CSF3R: variants seen among roughly 807,000 people sequenced by gnomAD.
CSF3R encodes the protein granulocyte colony-stimulating factor receptor.
In CSF3R, 52 loss-of-function variants were observed where a neutral mutation model predicts 84.4. The observed-to-expected ratio is 0.62, with a 90% CI of 0.49 to 0.78. The LOEUF (loss-of-function observed/expected upper bound fraction) is 0.78, where lower values mean the gene tolerates loss of function less well. CSF3R is among the 30% of genes least tolerant of loss of function. The pLI, the probability that CSF3R is intolerant of heterozygous loss-of-function variation, is 0.00. For synonymous variants in CSF3R, 384 were observed against 429.1 expected (o/e 0.89, Z 1.30); for missense variants, 890 against 1,055.7 (o/e 0.84, Z 2.17).
rs780388251 is a variant in CSF3R at position 36,472,466 on chromosome 1, C to G, written c.843+51G>C. On this transcript the variant is annotated intron_variant, in intron 7 of 16. Coordinates refer to ENST00000373106, the MANE Select transcript of CSF3R (RefSeq NM_000760.4). The surrounding 1 kb of genome is among the most constrained non-coding windows in gnomAD (Gnocchi z 5.0). ...AGGGCCAGCTCGAGCCCGACTTACC[C>G]TGCCCCCTGCCCCCACCACCTCAGG... The G allele has an allele frequency of 6.2e-7, 1 of 1,613,926 alleles. No individual in the cohort carries two copies. The highest frequency in any genetic ancestry group is 1.1e-5 in the South Asian group (1 of 91,030).
chr1:36,469,969 C>T, intron 10 of CSF3R, 129 bp from the exon 11 acceptor site: 2 of 884,572 alleles, frequency 2.3e-6, no homozygotes, highest in Non-Finnish European at 3.6e-6. Context: ...AACATCTTAG[C>T]CTCAGTTTCC....
rs1179392257 is a variant in CSF3R at position 36,475,007 on chromosome 1, T to TC, written c.361+369_361+370insG. Among the ~76,000 whole-genome samples, 8 of 152,056 alleles carry TC rather than the reference T, an allele frequency of 5.3e-5. No individual in the cohort carries two copies. In the South Asian group the frequency reaches 8.3e-4, roughly 16 times the overall value. On this transcript the variant is annotated intron_variant, in intron 4 of 16. Transcript: ENST00000373106. ...TCAATAGGTAGTACTCTTTTTTTTT[T>TC]TTCTTCTTTTTTTTGAGACCAAGTT...
At position 36,471,534 on chromosome 1, in the gene CSF3R, C is replaced by T; in HGVS notation, c.1184G>A (p.Cys395Tyr). The T allele has an allele frequency of 6.2e-7, 1 of 1,614,244 alleles. No individual in the cohort carries two copies. The highest frequency in any genetic ancestry group is 8.5e-7 in the Non-Finnish European group (1 of 1,180,040). The change falls in exon 10 of 17, where the codon TGC becomes TAC. Residue 395 changes from cysteine to tyrosine, a missense_variant. Cys to Tyr is a radical substitution (Grantham distance 194). Transcript: ENST00000373106. ...LPLCNTTELSCTFHLPSEAQE... is the reference protein window; with the variant it reads ...LPLCNTTELSYTFHLPSEAQE... The stretch of plus-strand genomic sequence containing the variant: ...GGCTTCTGAAGGCAGGTGGAAGGTG[C>T]AGCTGAGCTCTGTGGTGTTGCAGAG...
At chr1:36,471,677 G>T in intron 9 of CSF3R, 31 bp from the exon 10 acceptor site, 1 of 1,607,128 alleles carries the variant, frequency 6.2e-7, no homozygotes, top group Non-Finnish European at 8.5e-7. Context: ...AAGAGAAGGG[G>T]ATGTGCAGCT....
At position 36,468,215 on chromosome 1, in the gene CSF3R, G is replaced by C; in HGVS notation, c.1583C>G (p.Ser528Cys). ...CTTTAGATGCAGCTCTGGGGCATGG[G>C]AGGGAGCTATGGGAAGAGAGAGGTG... ...VYAYSQEMAP[S>C]HAPELHLKHI... Residue 528 changes from serine (S) to cysteine (C), a missense_variant, in exon 13 of 17, where the codon TCC becomes TGC. Transcript: ENST00000373106. 6.3e-7 allele frequency: 1 copy of C among 1,587,776 alleles called. No individual in the cohort carries two copies. The highest frequency in any genetic ancestry group is 8.6e-7 in the Non-Finnish European group (1 of 1,166,246).
rs1430123830 is a variant in CSF3R at position 36,466,694 on chromosome 1, T to C, written c.2174A>G (p.Gln725Arg). Residue 725 changes from glutamine to arginine, a missense_variant, in exon 17 of 17, where the codon CAG becomes CGG. Physicochemically the swap from Gln to Arg is conservative, Grantham distance 43 (BLOSUM62 1). Transcript: ENST00000373106. This position sits in a 1 kb window ranked among gnomAD's most constrained non-coding sequence, Gnocchi z 4.6. ...SETCGLPTLVQTYVLQGDPRA... is the reference protein window; with the variant it reads ...SETCGLPTLVRTYVLQGDPRA... ...TGGGTCCCCCTGGAGCACATAGGTCTGGACCAGAGTGGGGAGGCCACAGGT... is the reference window on the plus strand; with the variant it reads ...TGGGTCCCCCTGGAGCACATAGGTCCGGACCAGAGTGGGGAGGCCACAGGT... 3 of 1,614,098 alleles carry C rather than the reference T, an allele frequency of 1.9e-6. No individual in the cohort carries two copies. Among genetic ancestry groups the C allele is most frequent in the Non-Finnish European group, 1.7e-6 (2 of 1,180,034 alleles).
chr1:36,471,226 A>T (rs1167582726), intron 10 of CSF3R, among the ~76,000 whole-genome samples: 1 of 152,046 alleles, frequency 6.6e-6, no homozygotes, highest in Non-Finnish European at 1.5e-5. Context: ...TTGTATTTTT[A>T]GTAGAGACAG....
At position 36,467,699 on chromosome 1, in the gene CSF3R, G is replaced by C. The variant is rs1650418692; in HGVS notation, c.1865-48C>G. 1 of 1,610,656 alleles carries C rather than the reference G, an allele frequency of 6.2e-7. No homozygotes were observed. Among genetic ancestry groups the C allele is most frequent in the Non-Finnish European group, 8.5e-7 (1 of 1,176,810 alleles). Reference sequence around the variant, plus strand: ...AGAAGTTAGAATGCATGTTGGGAAGGCTGGGTCTCCTCCCTCCGACCAGGG... The same window carrying C: ...AGAAGTTAGAATGCATGTTGGGAAGCCTGGGTCTCCTCCCTCCGACCAGGG... On this transcript the variant is annotated intron_variant, in intron 14 of 16. Transcript: ENST00000373106. This position sits in a 1 kb window ranked among gnomAD's most constrained non-coding sequence, Gnocchi z 4.1.
chr1:36,467,603 A>G lies in CSF3R; in HGVS notation c.1913T>C (p.Leu638Ser). Residue 638 changes from leucine (L) to serine (S), a missense_variant, in exon 15 of 17, where the codon TTG becomes TCG. Physicochemically the swap from Leu to Ser is moderately radical, Grantham distance 145. Coordinates refer to ENST00000373106, the MANE Select transcript of CSF3R (RefSeq NM_000760.4). The surrounding 1 kb of genome is among the most constrained non-coding windows in gnomAD (Gnocchi z 4.1). ...IILGLFGLLL[L>S]LTCLCGTAWL... ...GGCAGTTCCACAGAGGCAGGTGAGC[A>G]ACAGCAGGAGGCCGAACAGGCCCAG... 3 of 1,614,200 alleles carry G rather than the reference A, an allele frequency of 1.9e-6. No individual in the cohort carries two copies. Among genetic ancestry groups the G allele is most frequent in the South Asian group, 2.2e-5 (2 of 91,086 alleles).
At chr1:36,471,135 T>A (rs1650694213) in intron 10 of CSF3R, among the ~76,000 whole-genome samples, 1 of 152,028 alleles carries the variant, frequency 6.6e-6, no homozygotes, top group African/African-American at 2.4e-5. Flanking sequence ...AACCTCTGCC[T>A]CCCAGGTTCA....
Position 36,475,275 on chromosome 1 carries a change from G to T in CSF3R, c.361+102C>A. 3 of 1,441,476 alleles carry T rather than the reference G, an allele frequency of 2.1e-6. No individual in the cohort carries two copies. The South Asian group carries it at 3.5e-5, about 17-fold the overall frequency. The allele number at this position is 1,441,476 out of a possible 1,614,324, so 89.3% of individuals were successfully genotyped here. On this transcript the variant is annotated intron_variant, in intron 4 of 16. Coordinates refer to ENST00000373106, the MANE Select transcript of CSF3R (RefSeq NM_000760.4). ...GCCTGCCTCGGCCTCCCAAAGTGCT[G>T]GGAATACAGGCGTGAGCCAACGTGC...
rs764884624 is a variant in CSF3R, at chr1:36,466,811, G to A, written c.2057C>T (p.Pro686Leu). Residue 686 changes from proline to leucine, a missense_variant, in exon 17 of 17, where the codon CCC becomes CTC. Pro to Leu is a moderately conservative substitution (Grantham distance 98). Coordinates refer to ENST00000373106, the MANE Select transcript of CSF3R (RefSeq NM_000760.4). The surrounding 1 kb of genome is among the most constrained non-coding windows in gnomAD (Gnocchi z 4.6). The part of the protein sequence containing the change: ...TIMEEDAFQL[P>L]GLGTPPITKL... ...GGTGATGGGTGGCGTGCCAAGGCCGGGCAGCTGGAAGGCATCCTGCACACA... is the reference window on the plus strand; with the variant it reads ...GGTGATGGGTGGCGTGCCAAGGCCGAGCAGCTGGAAGGCATCCTGCACACA... The A allele has an allele frequency of 4.3e-6, 7 of 1,614,074 alleles. No individual in the cohort carries two copies. In the African/African-American group the frequency reaches 9.3e-5, roughly 22 times the overall value.
At position 36,475,524 on chromosome 1, in the gene CSF3R, C is replaced by T. The variant is rs375879178; in HGVS notation, c.214G>A (p.Gly72Arg). 2.3e-5 allele frequency: 37 copies of T among 1,613,874 alleles called. No homozygotes were observed. In the Middle Eastern group the frequency reaches 6.6e-4, roughly 29 times the overall value. ...TCAGACAGACGCTGCTGCCTGCCCC[C>T]GGGCTGAAGCTCTGCTCCCAGTCTC... The part of the protein sequence containing the change: ...LWRLGAELQP[G>R]GRQQRLSDGT... Residue 72 changes from glycine (G) to arginine (R), a missense_variant, in exon 4 of 17, where the codon GGG (glycine) becomes AGG (arginine). Gly to Arg is a moderately radical substitution (Grantham distance 125, BLOSUM62 -2). Transcript: ENST00000373106.
rs758186406 is a variant in CSF3R, at chr1:36,472,240, C to T, written c.995G>A (p.Arg332Gln). 5.0e-6 allele frequency: 8 copies of T among 1,614,044 alleles called. No individual in the cohort carries two copies. The highest frequency in any genetic ancestry group is 5.9e-6 in the Non-Finnish European group (7 of 1,180,030). Reference sequence around the variant, plus strand: ...CCAGCCTCTCATCACCTCCTTACCCCGTTCGGTAGTTCTCAGCTCCAGGCT... The same window carrying T: ...CCAGCCTCTCATCACCTCCTTACCCTGTTCGGTAGTTCTCAGCTCCAGGCT... ...SPSLELRTTE[R>Q]APTVRLDTWW... Residue 332 changes from arginine (R) to glutamine (Q), a missense_variant and splice_region_variant, in exon 8 of 17, where the codon CGG becomes CAG. Coordinates refer to ENST00000373106, the MANE Select transcript of CSF3R (RefSeq NM_000760.4). The surrounding 1 kb of genome is among the most constrained non-coding windows in gnomAD (Gnocchi z 5.0).
chr1:36,479,136 G>T, intron 3 of CSF3R: 2 of 469,994 alleles, frequency 4.3e-6, no homozygotes, highest in Non-Finnish European at 7.9e-6. Context: ...CACCAAGGCT[G>T]CATAGGACCC....
At chr1:36,468,555 A>G (rs1650495262) in intron 12 of CSF3R, 2 of 236,262 alleles carry the variant, frequency 8.5e-6, no homozygotes, top group Non-Finnish European at 1.7e-5. Context: ...TGTTTTTGAG[A>G]CAGGGTCTCG....
intron 1 of CSF3R, among the ~76,000 whole-genome samples, 161 bp downstream of exon 1, chr1:36,482,650 G>A (rs972385758): frequency 2.6e-5 from 4 of 152,176 alleles, no homozygotes; most frequent in African/African-American, 9.7e-5. Context: ...CCTGTGAAAA[G>A]AGACTCAGTG....
intron 3 of CSF3R, chr1:36,476,925 C>T (rs891255830): frequency 2.0e-5 from 3 of 152,124 alleles, no homozygotes; most frequent in African/African-American, 7.2e-5. Flanking sequence ...CTGCTTCAGC[C>T]TCCCAAAGTG....
chr1:36,467,011 T>A lies in CSF3R; in HGVS notation c.2041-184A>T. ...ATGCCTGACACATGCCATGCACCGT[T>A]CAGACTCAGCATGGTCAGTTTTTCC... is the stretch of plus-strand genomic sequence containing the variant. On this transcript the variant is annotated intron_variant, in intron 16 of 16. Coordinates refer to ENST00000373106, the MANE Select transcript of CSF3R (RefSeq NM_000760.4). This position sits in a 1 kb window ranked among gnomAD's most constrained non-coding sequence, Gnocchi z 4.1. 6.9e-7 allele frequency: 1 copy of A among 1,452,764 alleles called. No homozygotes were observed. The highest frequency in any genetic ancestry group is 9.5e-7 in the Non-Finnish European group (1 of 1,055,820). The allele number at this position is 1,452,764 out of a possible 1,614,324, so 90.0% of individuals were successfully genotyped here. A position where few individuals can be genotyped will look rare whatever the true frequency, so the allele number is the denominator to read the frequency against.
Sources: allele counts gnomAD v4.1 joint callset (sites outside exome capture counted in the v4.1 genomes callset), GRCh38; gene constraint gnomAD v4.1.1; non-coding constraint Gnocchi (gnomAD v3.1); transcripts MANE v1.5; gene names NCBI Gene and HGNC (gene_info 2026-07-23, HGNC 2026-07-21).